PTPRM: variants seen among roughly 807,000 people sequenced by gnomAD.
PTPRM encodes the protein receptor-type tyrosine-protein phosphatase mu.
PTPRM carries 47 observed loss-of-function variants against 186.7 expected under a neutral mutation model. The ratio of observed to expected loss-of-function variants is 0.25; its 90% CI spans 0.20 to 0.32. The LOEUF (loss-of-function observed/expected upper bound fraction) is 0.32. PTPRM is among the 10% of genes least tolerant of loss of function. The probability of loss-of-function intolerance (pLI) is 1.00; values close to 1 mark genes in which losing one functional copy is unlikely to be tolerated. For missense variants in PTPRM, 1,494 were observed against 1,865.0 expected, an observed-to-expected ratio of 0.80 and a Z score of 3.66; for synonymous variants, 668 against 674.9, an observed-to-expected ratio of 0.99 and a Z score of 0.16.
intron 1 of PTPRM, among the ~76,000 whole-genome samples, chr18:7,765,611 T>G (rs2041980372): frequency 6.6e-6 from 1 of 152,192 alleles, no homozygotes; most frequent in Non-Finnish European, 1.5e-5. Flanking sequence ...CTTTGCATTG[T>G]GTAGTTTATA....
At chr18:7,884,739 A>G (rs576710936) in intron 2 of PTPRM, among the ~76,000 whole-genome samples, 2 of 152,072 alleles carry the variant, frequency 1.3e-5, no homozygotes, top group African/African-American at 4.8e-5. Flanking sequence ...CCTGACCAAC[A>G]TGGTGAAACC....
At chr18:8,210,118 C>G (rs1169383590) in intron 14 of PTPRM, among the ~76,000 whole-genome samples, 2 of 151,738 alleles carry the variant, frequency 1.3e-5, no homozygotes, top group East Asian at 3.9e-4. Flanking sequence ...CAAGACCAGC[C>G]TGGCCAACAT....
Position 8,262,354 on chromosome 18 carries a change from G to A in PTPRM, c.2754+8940G>A, listed in dbSNP as rs138763752. Among the ~76,000 whole-genome samples the A allele has an allele frequency of 2.9e-3, 434 of 152,270 alleles. 5 individuals are homozygous for A. The highest frequency in any genetic ancestry group is 3.4e-3 in the Middle Eastern group (1 of 294). On this transcript the variant is annotated intron_variant, in intron 19 of 32. Transcript: ENST00000580170. The stretch of plus-strand genomic sequence containing the variant: ...TGACTGATGCTGAAAACTATGCCAC[G>A]GATTCTTTCCAAAAATAAGAACCTC...
At chr18:7,748,252 G>A (rs1403062192) in intron 1 of PTPRM, among the ~76,000 whole-genome samples, 2 of 152,230 alleles carry the variant, frequency 1.3e-5, no homozygotes, top group South Asian at 2.1e-4. Flanking sequence ...AGGAAAGAAT[G>A]TTTAATTTTA....
chr18:8,070,079 G>A (rs1457209196), intron 8 of PTPRM, 85 bp downstream of exon 8: 5 of 1,255,488 alleles, frequency 4.0e-6, no homozygotes, highest in Non-Finnish European at 5.5e-6. Flanking sequence ...TGTGCAGATG[G>A]AAGAAAGAAC....
chr18:8,152,167 G>A (rs1195380158), intron 14 of PTPRM, among the ~76,000 whole-genome samples: 2 of 152,140 alleles, frequency 1.3e-5, no homozygotes, highest in Non-Finnish European at 2.9e-5. Flanking sequence ...ATTAAGTGGA[G>A]ATGTTCACTG....
In PTPRM at chr18:7,906,600, T is replaced by C. The variant is rs1567995935; in HGVS notation, c.547+17T>C. On this transcript the variant is annotated intron_variant, in intron 4 of 32. Transcript: ENST00000580170. ...ATCCATGTAGTAAGTTGTCTTTATT[T>C]GTAAATATTCGGGTACATCATTGGG... The C allele has an allele frequency of 6.3e-7, 1 of 1,576,928 alleles. No homozygotes were observed. The highest frequency in any genetic ancestry group is 8.7e-7 in the Non-Finnish European group (1 of 1,146,436).
At chr18:8,280,227 GGTCTCTGTGT>G (rs1425927326) in intron 19 of PTPRM, among the ~76,000 whole-genome samples, 1 of 152,032 alleles carries the variant, frequency 6.6e-6, no homozygotes, top group African/African-American at 2.4e-5. Flanking sequence ...CATGCCCCAG[GGTCTCTGTGT>G]GCCCTACTCA....
intron 7 of PTPRM, among the ~76,000 whole-genome samples, chr18:8,053,184 C>G (rs950359045): frequency 6.6e-6 from 1 of 152,024 alleles, no homozygotes; most frequent in Admixed American, 6.6e-5. Context: ...CCCTTCTTTA[C>G]AATAATAAGG....
intron 20 of PTPRM, among the ~76,000 whole-genome samples, chr18:8,308,596 T>C (rs1383319213): frequency 2.0e-5 from 3 of 152,234 alleles, no homozygotes; most frequent in African/African-American, 7.2e-5. Context: ...CTTTTTATCG[T>C]GCTAAATATT....
rs537798128 is a variant in PTPRM at position 7,714,050 on chromosome 18, C to T, written c.74-60099C>T. Among the ~76,000 whole-genome samples the T allele has an allele frequency of 5.9e-5, 9 of 152,282 alleles. No homozygotes were observed. The South Asian group carries it at 1.9e-3, about 32-fold the overall frequency. ...ATAGACATCTACAGAACTGTCCCCC[C>T]AAATCAACAGAATACACATTCTTCT... On this transcript the variant is annotated intron_variant, in intron 1 of 32. Coordinates refer to ENST00000580170, the MANE Select transcript of PTPRM (RefSeq NM_001105244.2).
At chr18:7,618,175 C>A (rs1198912254) in intron 1 of PTPRM, among the ~76,000 whole-genome samples, 1 of 152,132 alleles carries the variant, frequency 6.6e-6, no homozygotes, top group Non-Finnish European at 1.5e-5. Flanking sequence ...ACTCAAAAAA[C>A]TTTTCTGGAA....
chr18:7,605,572 C>T (rs1187573451), intron 1 of PTPRM, among the ~76,000 whole-genome samples: 5 of 152,096 alleles, frequency 3.3e-5, no homozygotes, highest in South Asian at 2.1e-4. Flanking sequence ...AAGCTCTTGT[C>T]GTGAATCGAA....
intron 14 of PTPRM, among the ~76,000 whole-genome samples, chr18:8,156,750 A>G (rs1276563848): frequency 2.0e-5 from 3 of 152,178 alleles, no homozygotes; most frequent in African/African-American, 7.2e-5. Flanking sequence ...GCAGTTTACC[A>G]TTGCTTTAAG....
At chr18:7,851,907 G>GTTA (rs2046879874) in intron 2 of PTPRM, among the ~76,000 whole-genome samples, 1 of 152,138 alleles carries the variant, frequency 6.6e-6, no homozygotes, top group Non-Finnish European at 1.5e-5. Context: ...AGAGAATGGG[G>GTTA]TTAGTGTTTT....
chr18:7,778,474 T>G (rs986729621), intron 2 of PTPRM, among the ~76,000 whole-genome samples: 27 of 152,122 alleles, frequency 1.8e-4, no homozygotes, highest in African/African-American at 5.8e-4. Context: ...TTCTTTTTAT[T>G]TTTTTGAGGC....
chr18:7,946,743 T>C (rs2052550485), intron 5 of PTPRM: 2 of 304,546 alleles, frequency 6.6e-6, no homozygotes, highest in Non-Finnish European at 1.3e-5. Context: ...ACTTACGGCA[T>C]TGTGTGGTAT....
intron 14 of PTPRM, among the ~76,000 whole-genome samples, chr18:8,191,910 C>G (rs2093715415): frequency 6.6e-6 from 1 of 151,878 alleles, no homozygotes; most frequent in South Asian, 2.1e-4. Flanking sequence ...TACCAACCTA[C>G]AGGGAAAAAA....
At chr18:7,586,596 G>A (rs919487183) in intron 1 of PTPRM, among the ~76,000 whole-genome samples, 3 of 152,094 alleles carry the variant, frequency 2.0e-5, no homozygotes, top group Non-Finnish European at 4.4e-5. Flanking sequence ...TCAGTTCCAA[G>A]GTCTGTGGGG....
Sources: allele counts gnomAD v4.1 joint callset (sites outside exome capture counted in the v4.1 genomes callset), GRCh38; gene constraint gnomAD v4.1.1; transcripts MANE v1.5; gene names NCBI Gene and HGNC (gene_info 2026-07-23, HGNC 2026-07-21).